Variants in C16orf74 observed in about 807,000 individuals in gnomAD.
C16orf74 encodes calcimembrin.
A neutral mutation model predicts 6.5 loss-of-function variants in C16orf74; 10 were observed. The ratio of observed to expected loss-of-function variants is 1.54; its 90% CI spans 0.95 to 2.61. C16orf74 has a LOEUF of 2.61. Ranked by LOEUF, C16orf74 falls within the 30% of genes most tolerant of loss-of-function variation. The pLI, the probability that C16orf74 is intolerant of heterozygous loss-of-function variation, is 0.00. For synonymous variants in C16orf74, 60 were observed against 42.5 expected, an observed-to-expected ratio of 1.41 and a Z score of -1.60; for missense variants, 141 against 105.9, an observed-to-expected ratio of 1.33 and a Z score of -1.45.
chr16:85,710,296 A>T lies in C16orf74; in HGVS notation c.40T>A (p.Cys14Ser). 4.6e-6 allele frequency: 7 copies of T among 1,512,044 alleles called. No individual in the cohort carries two copies. Among genetic ancestry groups the T allele is most frequent in the Non-Finnish European group, 6.1e-6 (7 of 1,140,922 alleles). The allele number at this position is 1,512,044 out of a possible 1,614,324, so 93.7% of individuals were successfully genotyped here. Residue 14 changes from cysteine (C) to serine (S), a missense_variant, in exon 3 of 4, where the codon TGT becomes AGT. By Grantham distance (112) the Cys-to-Ser change is moderately radical. Coordinates refer to ENST00000284245, the MANE Select transcript of C16orf74 (RefSeq NM_206967.3). Reference protein sequence around the residue: ...KMSCLKGFQMCVSSSSSSHDE... With the variant: ...KMSCLKGFQMSVSSSSSSHDE... ...TGGCTGCTGCTGCTGCTGCTGACAC[A>T]CATTTGAAAGCCTGAGAAGCCAGGC...
Position 85,732,665 on chromosome 16 carries a change from CAAAAAAAAAAA to C in C16orf74, c.28+2514_28+2524del, listed in dbSNP as rs66539936. Among the ~76,000 whole-genome samples, 7 of 44,170 alleles carry C rather than the reference CAAAAAAAAAAA, an allele frequency of 1.6e-4. No homozygotes were observed. In the East Asian group the frequency reaches 4.6e-3, roughly 29 times the overall value. 29.0% of individuals were successfully genotyped at this position (44,170 alleles called of 152,430 possible). On this transcript the variant is annotated intron_variant, in intron 2 of 3. Transcript: ENST00000284245. Reference sequence around the variant, plus strand: ...TGGGTGACAGAGCGAGACTCTGTCTCAAAAAAAAAAAAAAAAAAAAAAAAGAGTTCTGGCCC... The same window carrying C: ...TGGGTGACAGAGCGAGACTCTGTCTCAAAAAAAAAAAAAGAGTTCTGGCCC...
intron 2 of C16orf74, among the ~76,000 whole-genome samples, chr16:85,727,202 G>C (rs2054142887): frequency 6.6e-6 from 1 of 152,236 alleles, no homozygotes; most frequent in South Asian, 2.1e-4. Context: ...GCAGAGCCAG[G>C]CATTCACACT....
intron 1 of C16orf74, among the ~76,000 whole-genome samples, chr16:85,744,588 T>C (rs989378913): frequency 6.6e-6 from 1 of 152,108 alleles, no homozygotes; most frequent in Admixed American, 6.5e-5. Context: ...CCCAGCACTT[T>C]GGGAGGCCAA....
chr16:85,726,699 T>C (rs2054136695), intron 2 of C16orf74, among the ~76,000 whole-genome samples: 1 of 152,128 alleles, frequency 6.6e-6, no homozygotes, highest in African/African-American at 2.4e-5. Context: ...ACTGCTGAAA[T>C]GTATTAGTGG....
At chr16:85,738,466 A>C (rs2152064709) in intron 1 of C16orf74, among the ~76,000 whole-genome samples, 1 of 150,760 alleles carries the variant, frequency 6.6e-6, no homozygotes, top group African/African-American at 2.4e-5. Flanking sequence ...CTGGGACTAC[A>C]GGCGTGCACC....
intron 1 of C16orf74, among the ~76,000 whole-genome samples, chr16:85,738,114 C>T (rs777380504): frequency 6.6e-6 from 1 of 151,656 alleles, no homozygotes; most frequent in South Asian, 2.1e-4. Context: ...GTGTGGTGGC[C>T]TGTGCCTGTA....
intron 2 of C16orf74, among the ~76,000 whole-genome samples, chr16:85,733,486 C>G (rs778876370): frequency 6.6e-6 from 1 of 152,152 alleles, no homozygotes; most frequent in Non-Finnish European, 1.5e-5. Flanking sequence ...GATGGTTGCA[C>G]AACACTGTGA....
chr16:85,744,092 G>C (rs1385681797), intron 1 of C16orf74: 2 of 151,472 alleles, frequency 1.3e-5, no homozygotes, highest in Admixed American at 1.3e-4. Context: ...GGGCATGGTG[G>C]TGCATGCCTA....
chr16:85,720,163 C>T (rs79897775), intron 2 of C16orf74, among the ~76,000 whole-genome samples: 1,593 of 151,994 alleles, frequency 0.01, 29 homozygotes, highest in African/African-American at 0.036. Flanking sequence ...CCGATAGAGA[C>T]AGCAGTGGAT....
At position 85,750,972 on chromosome 16, in the gene C16orf74, C is replaced by T. The variant is rs1471609734; in HGVS notation, c.-65G>A. ...ACTGCGGAGCCGCGCCCGAGGCGCG[C>T]GAGGCCCGCCCGGGCGCTGGTGGTG... On this transcript the variant is annotated 5_prime_UTR_variant, in exon 1 of 4. Coordinates refer to ENST00000284245, the MANE Select transcript of C16orf74 (RefSeq NM_206967.3). The T allele has an allele frequency of 6.6e-6, 1 of 150,394 alleles. No individual in the cohort carries two copies. The highest frequency in any genetic ancestry group is 1.5e-5 in the Non-Finnish European group (1 of 67,586). 9.3% of individuals were successfully genotyped at this position (150,394 alleles called of 1,614,324 possible). A position where few individuals can be genotyped will look rare whatever the true frequency, so the allele number is the denominator to read the frequency against.
intron 1 of C16orf74, chr16:85,743,304 T>C (rs2054330742): frequency 6.6e-6 from 1 of 152,234 alleles, no homozygotes; most frequent in South Asian, 2.1e-4. Context: ...ATCATCGTCA[T>C]GACAATATCA....
In C16orf74 at chr16:85,732,352, C is replaced by T. The variant is rs1206103747; in HGVS notation, c.28+2838G>A. Among the ~76,000 whole-genome samples, 5 of 152,182 alleles carry T rather than the reference C, an allele frequency of 3.3e-5. No individual in the cohort carries two copies. In the East Asian group the frequency reaches 9.6e-4, roughly 29 times the overall value. ...CCCCATGTTACAGAGTTCCTGGCTA[C>T]TTCAAATATGGAGTTAAAATGATTC... On this transcript the variant is annotated intron_variant, in intron 2 of 3. Transcript: ENST00000284245.
intron 2 of C16orf74, among the ~76,000 whole-genome samples, chr16:85,717,113 G>A (rs2054033176): frequency 6.6e-6 from 1 of 152,212 alleles, no homozygotes. Context: ...GCCATGCACT[G>A]TCCTCGCAGT....
chr16:85,734,417 G>T (rs2152063799), intron 2 of C16orf74, among the ~76,000 whole-genome samples: 1 of 152,294 alleles, frequency 6.6e-6, no homozygotes, highest in Non-Finnish European at 1.5e-5. Context: ...CTCCAGGTGG[G>T]TAGGTGGCCT....
chr16:85,747,150 G>A (rs1162728212), intron 1 of C16orf74, among the ~76,000 whole-genome samples: 2 of 152,150 alleles, frequency 1.3e-5, no homozygotes, highest in Admixed American at 6.5e-5. Flanking sequence ...CCGACTCTGG[G>A]CCACCGTGAA....
chr16:85,714,568 T>C (rs901441819), intron 2 of C16orf74, among the ~76,000 whole-genome samples: 9 of 151,724 alleles, frequency 5.9e-5, no homozygotes, highest in Non-Finnish European at 1.0e-4. Context: ...TACAGGCGCC[T>C]GCCACCACAC....
intron 1 of C16orf74, among the ~76,000 whole-genome samples, chr16:85,740,092 C>G (rs554090937): frequency 6.7e-6 from 1 of 148,666 alleles, no homozygotes; most frequent in Non-Finnish European, 1.5e-5. Context: ...CACCCGTAAT[C>G]CCAGCTACTC....
intron 2 of C16orf74, among the ~76,000 whole-genome samples, chr16:85,730,044 C>G (rs892820689): frequency 2.0e-5 from 3 of 152,184 alleles, no homozygotes; most frequent in Non-Finnish European, 4.4e-5. Flanking sequence ...ACAAAGCCAG[C>G]CCAATAGGGA....
At chr16:85,738,462 C>T (rs1370583098) in intron 1 of C16orf74, among the ~76,000 whole-genome samples, 1 of 150,964 alleles carries the variant, frequency 6.6e-6, no homozygotes, top group Non-Finnish European at 1.5e-5. Flanking sequence ...GTAGCTGGGA[C>T]TACAGGCGTG....
Sources: allele counts gnomAD v4.1 joint callset (sites outside exome capture counted in the v4.1 genomes callset), GRCh38; gene constraint gnomAD v4.1.1; transcripts MANE v1.5; gene names NCBI Gene and HGNC (gene_info 2026-07-23, HGNC 2026-07-21).